PRH1: variants seen among roughly 807,000 people sequenced by gnomAD.
PRH1 encodes the protein proline rich protein HaeIII subfamily 1, also known as salivary acidic proline-rich phosphoprotein 1/2.
Under a neutral mutation model 7.9 loss-of-function variants are expected in PRH1, and 7 were observed. The ratio of observed to expected loss-of-function variants is 0.89; its 90% CI spans 0.50 to 1.67. PRH1 has a LOEUF of 1.67. Among genes scored for constraint, PRH1 ranks in the 40% most tolerant of loss-of-function variants. The pLI, the probability that PRH1 is intolerant of heterozygous loss-of-function variation, is 0.00. For synonymous variants in PRH1, 45 were observed against 80.8 expected, an observed-to-expected ratio of 0.56 and a Z score of 2.38; for missense variants, 109 against 223.6, an observed-to-expected ratio of 0.49 and a Z score of 3.27.
chr12:11,081,526 G>A (rs1944500891), intron 1 of PRH1, among the ~76,000 whole-genome samples: 1 of 115,056 alleles, frequency 8.7e-6, no homozygotes, highest in Non-Finnish European at 2.1e-5. Flanking sequence ...GCTTTGTTCT[G>A]GAATTTACCT....
rs1324125817 is a variant in PRH1, at chr12:11,086,854, T to C, written n.124-39666A>G. 1.8e-5 allele frequency among the ~76,000 whole-genome samples: 2 copies of C among 109,994 alleles called. 1 individual carries two copies. The highest frequency in any genetic ancestry group is 1.9e-4 in the Admixed American group (2 of 10,666). 72.2% of individuals were successfully genotyped at this position (109,994 alleles called of 152,430 possible). On this transcript the variant is annotated intron_variant and non_coding_transcript_variant, in intron 1 of 4. Transcript: ENST00000541977. ...ATTGGAACCCAGGAGTGGGGGGTTG[T>C]AGTTAGTTGAGATCATGCCACTCCA...
intron 1 of PRH1, among the ~76,000 whole-genome samples, chr12:11,027,650 G>A (rs1941984760): frequency 6.6e-6 from 1 of 152,210 alleles, no homozygotes; most frequent in South Asian, 2.1e-4. Context: ...CAGAACAAAT[G>A]AGGGCTCTAC....
intron 2 of PRH1, among the ~76,000 whole-genome samples, chr12:10,907,307 G>C (rs1384238133): frequency 6.6e-6 from 1 of 152,116 alleles, no homozygotes; most frequent in African/African-American, 2.4e-5. Flanking sequence ...GTTGATATCA[G>C]TTTTATTTAT....
chr12:10,971,800 C>A (rs550913291), intron 2 of PRH1, among the ~76,000 whole-genome samples: 1 of 151,878 alleles, frequency 6.6e-6, no homozygotes, highest in Non-Finnish European at 1.5e-5. Flanking sequence ...TTTTATAATT[C>A]TTTTTCTATT....
Position 11,123,578 on chromosome 12 carries a change from G to T in PRH1, n.40-2398C>A, listed in dbSNP as rs553881133. ...ATTGTCATTAATTTTATTGCTTCTT[G>T]CATGTTCAACTTTGTATTTTCAGTA... is the stretch of plus-strand genomic sequence containing the variant. On this transcript the variant is annotated intron_variant and non_coding_transcript_variant, in intron 1 of 1. Coordinates refer to the PRH1 transcript ENST00000541175. 2.0e-5 allele frequency among the ~76,000 whole-genome samples: 3 copies of T among 152,058 alleles called. No individual in the cohort carries two copies. The East Asian group carries it at 5.8e-4, about 29-fold the overall frequency.
intron 1 of PRH1, chr12:11,133,228 T>G (rs1231698870): frequency 2.0e-6 from 3 of 1,536,944 alleles, no homozygotes; most frequent in Non-Finnish European, 2.6e-6. Context: ...ATACATATAT[T>G]ACAGAAAACC....
chr12:10,908,720 C>T, intron 2 of PRH1: 1 of 1,613,692 alleles, frequency 6.2e-7, no homozygotes, highest in Non-Finnish European at 8.5e-7. Context: ...AGATGAAGGC[C>T]ACAGTAAATG....
At chr12:10,942,599 C>A (rs1950420425) in intron 2 of PRH1, among the ~76,000 whole-genome samples, 1 of 152,200 alleles carries the variant, frequency 6.6e-6, no homozygotes, top group Non-Finnish European at 1.5e-5. Context: ...AGACAGTCGG[C>A]AAGCAGGGCT....
At chr12:11,107,726 C>A (rs142404857) in intron 1 of PRH1, among the ~76,000 whole-genome samples, 169 of 152,264 alleles carry the variant, frequency 1.1e-3, no homozygotes, top group African/African-American at 3.9e-3. Context: ...AACTGAGAGT[C>A]CAGAAATTAA....
At chr12:10,895,236 C>T (rs1358270545) in intron 2 of PRH1, 1 of 152,086 alleles carries the variant, frequency 6.6e-6, no homozygotes, top group East Asian at 1.9e-4. Context: ...GAATAAATAC[C>T]ATGTAGCTTC....
intron 1 of PRH1, among the ~76,000 whole-genome samples, chr12:11,140,105 C>T (rs1466465076): frequency 1.3e-5 from 2 of 151,652 alleles, no homozygotes; most frequent in East Asian, 3.9e-4. Flanking sequence ...ATAAATTTGT[C>T]TAACCTTTTT....
chr12:11,092,268 T>G (rs545292506), intron 1 of PRH1: 1 of 1,218,726 alleles, frequency 8.2e-7, no homozygotes, highest in Admixed American at 2.2e-5. Flanking sequence ...AATGCTGGTG[T>G]TGTGTCCGGA....
chr12:11,077,967 GTTGA>G (rs1944355861), intron 1 of PRH1: 3 of 764,064 alleles, frequency 3.9e-6, no homozygotes, highest in Non-Finnish European at 6.5e-6. Context: ...TGCTGAAATG[GTTGA>G]TTATTGCTGA....
intron 1 of PRH1, among the ~76,000 whole-genome samples, chr12:11,124,957 C>T (rs1265092400): frequency 6.6e-6 from 1 of 152,116 alleles, no homozygotes; most frequent in African/African-American, 2.4e-5. Context: ...ATTATCCTGC[C>T]TCAGCCTCCC....
chr12:10,947,378 A>G (rs1334321423), intron 2 of PRH1, among the ~76,000 whole-genome samples: 3 of 152,038 alleles, frequency 2.0e-5, no homozygotes, highest in African/African-American at 7.2e-5. Flanking sequence ...CCATTATGTT[A>G]TATCCTTGCT....
At chr12:11,143,891 G>A (rs1027054273) in intron 1 of PRH1, among the ~76,000 whole-genome samples, 2 of 152,194 alleles carry the variant, frequency 1.3e-5, no homozygotes, top group Admixed American at 6.5e-5. Context: ...CAAGTCTACT[G>A]GCTCCAGGCT....
intron 2 of PRH1, among the ~76,000 whole-genome samples, chr12:10,915,150 C>CA (rs1230405140): frequency 3.3e-5 from 5 of 151,976 alleles, no homozygotes. Flanking sequence ...AACAAACAAA[C>CA]AAAAAAACTC....
chr12:10,981,654 A>G (rs1307772670), intron 1 of PRH1, among the ~76,000 whole-genome samples: 1 of 151,964 alleles, frequency 6.6e-6, no homozygotes, highest in Admixed American at 6.6e-5. Context: ...GATTACAGGC[A>G]TGAGCCACCG....
chr12:10,959,438 T>TA (rs1310936927), intron 2 of PRH1, among the ~76,000 whole-genome samples: 1 of 152,080 alleles, frequency 6.6e-6, no homozygotes, highest in Non-Finnish European at 1.5e-5. Context: ...TGAACTTACC[T>TA]AAGAAGTGGG....
Sources: allele counts gnomAD v4.1 joint callset (sites outside exome capture counted in the v4.1 genomes callset), GRCh38; gene constraint gnomAD v4.1.1; transcripts MANE v1.5; gene names NCBI Gene and HGNC (gene_info 2026-07-23, HGNC 2026-07-21).